Variants in PRADC1 observed in about 807,000 individuals in gnomAD.
PRADC1 encodes protease-associated domain-containing protein 1.
PRADC1 carries 23 observed loss-of-function variants against 22.9 expected under a neutral mutation model. The ratio of observed to expected loss-of-function variants is 1.00; its 90% CI spans 0.72 to 1.42. PRADC1 has a LOEUF of 1.42. Ranked by LOEUF, PRADC1 falls within the 40% of genes most tolerant of loss-of-function variation. The pLI is 0.00. For missense variants in PRADC1, 207 were observed against 258.3 expected (o/e 0.80, Z 1.36); for synonymous variants, 71 against 100.3 (o/e 0.71, Z 1.75).
At chr2:73,230,325 T>C in intron 1 of PRADC1, 112 bp from the exon 2 acceptor site, 1 of 758,448 alleles carries the variant, frequency 1.3e-6, no homozygotes, top group Admixed American at 2.2e-5. Flanking sequence ...CTCAGGGTCC[T>C]GGCTTCAGCC....
rs1044117462 is a variant in PRADC1, at chr2:73,228,227, G to A, written c.*227C>T. ...TTTCGGGTTCTAGCCAGAAGCCCTGGGGCCTGTCTCTTGCCTCTTCTTGTA... is the reference window on the plus strand; with the variant it reads ...TTTCGGGTTCTAGCCAGAAGCCCTGAGGCCTGTCTCTTGCCTCTTCTTGTA... On this transcript the variant is annotated 3_prime_UTR_variant, in exon 5 of 5. Coordinates refer to ENST00000258083, the MANE Select transcript of PRADC1 (RefSeq NM_032319.3). This position sits in a 1 kb window ranked among gnomAD's most constrained non-coding sequence, Gnocchi z 4.0. 2 of 550,914 alleles carry A rather than the reference G, an allele frequency of 3.6e-6. No homozygotes were observed. The highest frequency in any genetic ancestry group is 6.4e-6 in the Non-Finnish European group (2 of 311,966). The allele number at this position is 550,914 out of a possible 1,614,324, so 34.1% of individuals were successfully genotyped here. A position where few individuals can be genotyped will look rare whatever the true frequency, so the allele number is the denominator to read the frequency against.
intron 1 of PRADC1, among the ~76,000 whole-genome samples, chr2:73,232,394 A>G (rs974417532): frequency 6.6e-6 from 1 of 152,156 alleles, no homozygotes; most frequent in African/African-American, 2.4e-5. Flanking sequence ...GTCTATCAAC[A>G]AACTACCAAG....
At position 73,228,696 on chromosome 2, in the gene PRADC1, C is replaced by T; in HGVS notation, c.446+99G>A. 1 of 1,584,948 alleles carries T rather than the reference C, an allele frequency of 6.3e-7. No individual in the cohort carries two copies. The highest frequency in any genetic ancestry group is 2.2e-5 in the East Asian group (1 of 44,474). ...CTTTTTTTGCCCTCTAACTGAAGCACCCCAAGTTGAGGCCTGCAAGAAGGG... is the reference window on the plus strand; with the variant it reads ...CTTTTTTTGCCCTCTAACTGAAGCATCCCAAGTTGAGGCCTGCAAGAAGGG... On this transcript the variant is annotated intron_variant, in intron 4 of 4. Coordinates refer to ENST00000258083, the MANE Select transcript of PRADC1 (RefSeq NM_032319.3). This position sits in a 1 kb window ranked among gnomAD's most constrained non-coding sequence, Gnocchi z 4.0.
At position 73,228,384 on chromosome 2, in the gene PRADC1, G is replaced by T; in HGVS notation, c.*70C>A. 6.3e-7 allele frequency: 1 copy of T among 1,591,292 alleles called. No homozygotes were observed. The highest frequency in any genetic ancestry group is 8.6e-7 in the Non-Finnish European group (1 of 1,166,482). Reference sequence around the variant, plus strand: ...CCCAGATGCTATCTCCAAATTCCAAGTAGCAAAATTCCTGGGTTTCCCCTT... The same window carrying T: ...CCCAGATGCTATCTCCAAATTCCAATTAGCAAAATTCCTGGGTTTCCCCTT... On this transcript the variant is annotated 3_prime_UTR_variant, in exon 5 of 5. Transcript: ENST00000258083. The surrounding 1 kb of genome is among the most constrained non-coding windows in gnomAD (Gnocchi z 4.0).
chr2:73,229,039 T>TGA (rs1460376071), intron 3 of PRADC1, 77 bp from the exon 4 acceptor site: 1 of 1,311,344 alleles, frequency 7.6e-7, no homozygotes, highest in African/African-American at 1.5e-5. Flanking sequence ...CCTGGGAGTA[T>TGA]AGAAGGCAGA....
At position 73,228,933 on chromosome 2, in the gene PRADC1, A is replaced by G. The variant is rs1449821976; in HGVS notation, c.308T>C (p.Val103Ala). The change falls in exon 4 of 5, where the codon GTG becomes GCG. Residue 103 changes from valine (V) to alanine (A), a missense_variant. By Grantham distance (64) the Val-to-Ala change is moderately conservative. Coordinates refer to ENST00000258083, the MANE Select transcript of PRADC1 (RefSeq NM_032319.3). The surrounding 1 kb of genome is among the most constrained non-coding windows in gnomAD (Gnocchi z 4.0). ...GGCSFLSKTR[V>A]VQEHGGRAVI... is the part of the protein sequence containing the mutation. The stretch of plus-strand genomic sequence containing the variant: ...CGCCCGCCCGCCGTGCTCCTGGACC[A>G]CCCGAGTCTTGGAGAGGAAGGAGCA... The G allele has an allele frequency of 3.7e-6, 6 of 1,613,778 alleles. No homozygotes were observed. The highest frequency in any genetic ancestry group is 5.1e-6 in the Non-Finnish European group (6 of 1,179,992).
rs1441137929 is a variant in PRADC1 at position 73,228,410 on chromosome 2, C to T, written c.*44G>A. 1.2e-6 allele frequency: 2 copies of T among 1,611,134 alleles called. No homozygotes were observed. Among genetic ancestry groups the T allele is most frequent in the Non-Finnish European group, 1.7e-6 (2 of 1,179,142 alleles). ...TAGCAAAATTCCTGGGTTTCCCCTT[C>T]CCAGCTCAGAGTCACTTATGGCTGG... On this transcript the variant is annotated 3_prime_UTR_variant, in exon 5 of 5. Coordinates refer to ENST00000258083, the MANE Select transcript of PRADC1 (RefSeq NM_032319.3). The surrounding 1 kb of genome is among the most constrained non-coding windows in gnomAD (Gnocchi z 4.0).
chr2:73,228,797 G>A lies in PRADC1; in HGVS notation c.444C>T (p.Asp148=), dbSNP rs538688575. The A allele has an allele frequency of 3.9e-5, 63 of 1,611,216 alleles. 1 individual carries two copies. In the South Asian group the frequency reaches 4.7e-4, roughly 12 times the overall value. ...AGCCAGAGGCAAGGAGCCCTCACCC[G>A]TCTCGGCCGAGCAGGAAGAGGGCGG... is the stretch of plus-strand genomic sequence containing the variant. ...DIPALFLLGR[D]GYMIRRSLEQ... is the part of the protein sequence containing the mutation. The change falls in exon 4 of 5, where the codon GAC becomes GAT. Residue 148 remains aspartate, a splice_region_variant and synonymous_variant. Coordinates refer to ENST00000258083, the MANE Select transcript of PRADC1 (RefSeq NM_032319.3). The surrounding 1 kb of genome is among the most constrained non-coding windows in gnomAD (Gnocchi z 4.0).
rs900838917 is a variant in PRADC1, at chr2:73,228,263, C to G, written c.*191G>C. On this transcript the variant is annotated 3_prime_UTR_variant, in exon 5 of 5. Transcript: ENST00000258083. The surrounding 1 kb of genome is among the most constrained non-coding windows in gnomAD (Gnocchi z 4.0). Reference sequence around the variant, plus strand: ...TTGCCTCTTCTTGTAGCATGAGACACCCTTGGGGGCCCTGGGGAAGGGAAG... The same window carrying G: ...TTGCCTCTTCTTGTAGCATGAGACAGCCTTGGGGGCCCTGGGGAAGGGAAG... 1.5e-6 allele frequency: 1 copy of G among 654,896 alleles called. No individual in the cohort carries two copies. The highest frequency in any genetic ancestry group is 1.8e-5 in the African/African-American group (1 of 54,618). The allele number at this position is 654,896 out of a possible 1,614,324, so 40.6% of individuals were successfully genotyped here.
Position 73,230,124 on chromosome 2 carries a change from C to G in PRADC1, c.157G>C (p.Gly53Arg). The G allele has an allele frequency of 6.2e-7, 1 of 1,612,382 alleles. No individual in the cohort carries two copies. Among genetic ancestry groups the G allele is most frequent in the Non-Finnish European group, 8.5e-7 (1 of 1,178,660 alleles). ...CTCCCTTAACTTACAAAGATACCAC[C>G]AAAGTCCTTGGCAGGTGTGGCTGTG... is the stretch of plus-strand genomic sequence containing the variant. ...IFTATPAKDFGGIFHTRYEQI... is the reference protein window; with the variant it reads ...IFTATPAKDFRGIFHTRYEQI... Residue 53 changes from glycine to arginine, a missense_variant, in exon 2 of 5, where the codon GGT (glycine) becomes CGT (arginine). Physicochemically the swap from Gly to Arg is moderately radical, Grantham distance 125 (BLOSUM62 -2). Transcript: ENST00000258083.
Position 73,228,451 on chromosome 2 carries a change from CT to C in PRADC1, c.*2del, listed in dbSNP as rs758188934. ...TTATGGCTGGAATGTGGGACAAACT[CT>C]TCTACCAGAAGGTCCAGGGCGGTTG... is the stretch of plus-strand genomic sequence containing the variant. On this transcript the variant is annotated 3_prime_UTR_variant, in exon 5 of 5. Transcript: ENST00000258083. The surrounding 1 kb of genome is among the most constrained non-coding windows in gnomAD (Gnocchi z 4.0). 6 of 1,613,956 alleles carry C rather than the reference CT, an allele frequency of 3.7e-6. No homozygotes were observed. In the South Asian group the frequency reaches 6.6e-5, roughly 18 times the overall value.
Position 73,228,332 on chromosome 2 carries a change from C to T in PRADC1, c.*122G>A. The stretch of plus-strand genomic sequence containing the variant: ...CTTTCAGCCTAGCAACGCCCAAACC[C>T]TTTTCCTCTACCTGGCTCCACTTGT... On this transcript the variant is annotated 3_prime_UTR_variant, in exon 5 of 5. Transcript: ENST00000258083. This position sits in a 1 kb window ranked among gnomAD's most constrained non-coding sequence, Gnocchi z 4.0. 2.3e-6 allele frequency: 3 copies of T among 1,316,130 alleles called. No individual in the cohort carries two copies. The highest frequency in any genetic ancestry group is 3.2e-6 in the Non-Finnish European group (3 of 948,620). The allele number at this position is 1,316,130 out of a possible 1,614,324, so 81.5% of individuals were successfully genotyped here. A position where few individuals can be genotyped will look rare whatever the true frequency, so the allele number is the denominator to read the frequency against.
Position 73,229,521 on chromosome 2 carries a change from G to T in PRADC1, c.218C>A (p.Ala73Asp). ...IHLVPAEPPE[A>D]CGELSNGFFI... is the part of the protein sequence containing the mutation. Reference sequence around the variant, plus strand: ...GAAACCGTTGCTGAGTTCCCCGCAGGCCTCTGGAGGTTCAGCGGGGACAAG... The same window carrying T: ...GAAACCGTTGCTGAGTTCCCCGCAGTCCTCTGGAGGTTCAGCGGGGACAAG... Residue 73 changes from alanine to aspartate, a missense_variant, in exon 3 of 5, where the codon GCC (alanine) becomes GAC (aspartate). Coordinates refer to ENST00000258083, the MANE Select transcript of PRADC1 (RefSeq NM_032319.3). 1 of 1,614,000 alleles carries T rather than the reference G, an allele frequency of 6.2e-7. No homozygotes were observed. Among genetic ancestry groups the T allele is most frequent in the Non-Finnish European group, 8.5e-7 (1 of 1,180,006 alleles).
upstream of PRADC1, chr2:73,233,272 C>T (rs887301771): frequency 1.5e-5 from 10 of 669,148 alleles, no homozygotes; most frequent in Non-Finnish European, 2.3e-5. Context: ...CATACCCGCT[C>T]TCGCCGCGGG....
In PRADC1 at chr2:73,228,734, C is replaced by T. The variant is rs1686568297; in HGVS notation, c.446+61G>A. The stretch of plus-strand genomic sequence containing the variant: ...CCTGCAAGAAGGGACTGGTGATTAC[C>T]CCTGACCCAGTCATGGCGCCCAGCC... On this transcript the variant is annotated intron_variant, in intron 4 of 4. Coordinates refer to ENST00000258083, the MANE Select transcript of PRADC1 (RefSeq NM_032319.3). The surrounding 1 kb of genome is among the most constrained non-coding windows in gnomAD (Gnocchi z 4.0). 6.3e-7 allele frequency: 1 copy of T among 1,588,266 alleles called. No homozygotes were observed. Among genetic ancestry groups the T allele is most frequent in the African/African-American group, 1.3e-5 (1 of 74,336 alleles).
rs72905348 is a variant in PRADC1, at chr2:73,230,720, A to C, written c.68-507T>G. ...AAAACATCTTAGCAATTATGAGCAC[A>C]TCACCATACCTAGGGTTTCAATAAC... is the stretch of plus-strand genomic sequence containing the variant. On this transcript the variant is annotated intron_variant, in intron 1 of 4. Transcript: ENST00000258083. 6.0e-3 allele frequency among the ~76,000 whole-genome samples: 919 copies of C among 152,356 alleles called. 13 individuals carry two copies. Among genetic ancestry groups the C allele is most frequent in the African/African-American group, 0.02 (842 of 41,576 alleles).
chr2:73,230,662 C>T (rs1686619261), intron 1 of PRADC1, among the ~76,000 whole-genome samples: 1 of 152,238 alleles, frequency 6.6e-6, no homozygotes, highest in African/African-American at 2.4e-5. Context: ...TCCCTGCCTC[C>T]ATTCTTGCTC....
chr2:73,229,534 C>G lies in PRADC1; in HGVS notation c.205G>C (p.Glu69Gln), dbSNP rs1478569948. 5.0e-6 allele frequency: 8 copies of G among 1,613,886 alleles called. No homozygotes were observed. The highest frequency in any genetic ancestry group is 5.9e-6 in the Non-Finnish European group (7 of 1,180,012). Residue 69 changes from glutamate to glutamine, a missense_variant, in exon 3 of 5, where the codon GAA becomes CAA. Coordinates refer to ENST00000258083, the MANE Select transcript of PRADC1 (RefSeq NM_032319.3). ...RYEQIHLVPA[E>Q]PPEACGELSN... ...AGTTCCCCGCAGGCCTCTGGAGGTT[C>G]AGCGGGGACAAGGTGAATCTGCTCA... is the stretch of plus-strand genomic sequence containing the variant.
chr2:73,233,029 C>A, intron 1 of PRADC1, 65 bp downstream of exon 1: 1 of 1,512,702 alleles, frequency 6.6e-7, no homozygotes, highest in South Asian at 1.2e-5. Flanking sequence ...GCCCCCAACC[C>A]GAGACGCGCG....
Sources: gnomAD v4.1 joint callset for allele counts (sites outside exome capture counted in the v4.1 genomes callset) on GRCh38, gnomAD v4.1.1 for gene constraint, Gnocchi (gnomAD v3.1) non-coding constraint, MANE v1.5 for transcripts, NCBI Gene and HGNC (gene_info 2026-07-23, HGNC 2026-07-21) for gene names.